RNF217: variants seen among roughly 807,000 people sequenced by gnomAD.
The protein encoded by RNF217 is E3 ubiquitin-protein ligase RNF217.
In RNF217, 31 loss-of-function variants were observed where a neutral mutation model predicts 57.8. The ratio of observed to expected loss-of-function variants is 0.54; its 90% CI spans 0.40 to 0.72. The LOEUF is 0.72. Among genes scored for constraint, RNF217 ranks in the 30% least tolerant of loss-of-function variants. The pLI is 0.00. For missense variants in RNF217, 696 were observed against 708.3 expected, an observed-to-expected ratio of 0.98 and a Z score of 0.20; for synonymous variants, 313 against 294.0, an observed-to-expected ratio of 1.06 and a Z score of -0.66.
intron 2 of RNF217, chr6:125,048,351 A>G: frequency 9.6e-7 from 1 of 1,046,992 alleles, no homozygotes; most frequent in Non-Finnish European, 1.3e-6. Context: ...TGGTAACTTT[A>G]AGAGGAGTGA....
Position 125,087,395 on chromosome 6 carries a change from T to A in RNF217, c.*4458T>A, listed in dbSNP as rs985799221. 6.6e-6 allele frequency: 1 copy of A among 152,198 alleles called. No homozygotes were observed. 9.4% of individuals were successfully genotyped at this position (152,198 alleles called of 1,614,324 possible). The stretch of plus-strand genomic sequence containing the variant: ...TTATATTTTTATTCTCCCATATTTG[T>A]GGCTGAAATCTCTCCCAACTATTGA... On this transcript the variant is annotated 3_prime_UTR_variant, in exon 6 of 6. Transcript: ENST00000521654.
chr6:125,059,053 G>A (rs1317753719), intron 3 of RNF217, among the ~76,000 whole-genome samples: 1 of 152,174 alleles, frequency 6.6e-6, no homozygotes, highest in South Asian at 2.1e-4. Context: ...GGAAGTAAAA[G>A]TATATTCTAA....
intron 1 of RNF217, among the ~76,000 whole-genome samples, chr6:124,991,418 A>G (rs1018434159): frequency 1.3e-5 from 2 of 152,168 alleles, no homozygotes; most frequent in African/African-American, 4.8e-5. Context: ...ACCCATGTAT[A>G]CATGCTACCA....
chr6:125,071,289 A>G (rs1022534939), intron 3 of RNF217, among the ~76,000 whole-genome samples: 1 of 152,172 alleles, frequency 6.6e-6, no homozygotes, highest in Admixed American at 6.5e-5. Flanking sequence ...CCCAGGCTCA[A>G]AGTAAGCTGG....
chr6:125,029,801 T>A (rs183264849), intron 1 of RNF217, among the ~76,000 whole-genome samples: 97 of 152,178 alleles, frequency 6.4e-4, no homozygotes, highest in African/African-American at 2.1e-3. Flanking sequence ...TAAAAAAAAA[T>A]TTTTGAAATC....
chr6:124,995,362 T>C (rs1270863052), intron 1 of RNF217, among the ~76,000 whole-genome samples: 1 of 152,246 alleles, frequency 6.6e-6, no homozygotes, highest in Non-Finnish European at 1.5e-5. Flanking sequence ...AGCTAAACAA[T>C]GTCCTGGATT....
At chr6:124,980,914 A>C (rs1027702413) in intron 1 of RNF217, among the ~76,000 whole-genome samples, 1 of 152,208 alleles carries the variant, frequency 6.6e-6, no homozygotes, top group Non-Finnish European at 1.5e-5. Context: ...AGAAAGCCTC[A>C]AGTATTTGTC....
At chr6:125,031,280 T>C (rs1462655537) in intron 1 of RNF217, among the ~76,000 whole-genome samples, 2 of 152,266 alleles carry the variant, frequency 1.3e-5, no homozygotes, top group East Asian at 1.9e-4. Context: ...GATATTTTAC[T>C]CATGATCTTG....
At position 124,986,425 on chromosome 6, in the gene RNF217, T is replaced by C. The variant is rs545559757; in HGVS notation, c.882+22999T>C. ...GATCTTAAGCTGTCCTTTGGGTTTT[T>C]ACAAAGATACTCTAATGCATGGCTT... On this transcript the variant is annotated intron_variant, in intron 1 of 5. Coordinates refer to ENST00000521654, the MANE Select transcript of RNF217 (RefSeq NM_001286398.3). Among the ~76,000 whole-genome samples the C allele has an allele frequency of 2.0e-5, 3 of 152,358 alleles. No individual in the cohort carries two copies. In the South Asian group the frequency reaches 6.2e-4, roughly 32 times the overall value.
intron 1 of RNF217, among the ~76,000 whole-genome samples, chr6:124,997,017 GCAAGTTTAGGTT>G (rs200556806): frequency 0.031 from 4,751 of 152,154 alleles, 269 homozygotes; most frequent in African/African-American, 0.11. Flanking sequence ...TAGCACTCCT[GCAAGTTTAGGTT>G]CTACAAACAC....
At chr6:125,066,034 C>T (rs79421499) in intron 3 of RNF217, among the ~76,000 whole-genome samples, 3,864 of 152,214 alleles carry the variant, frequency 0.025, 155 homozygotes, top group African/African-American at 0.087. Context: ...TTAGGTTATC[C>T]CAGACTCTGC....
At chr6:124,964,512 G>A (rs1783450075) in intron 1 of RNF217, among the ~76,000 whole-genome samples, 1 of 152,116 alleles carries the variant, frequency 6.6e-6, no homozygotes. Flanking sequence ...CATTGGCTGG[G>A]ACAAACTGAA....
chr6:125,037,480 G>A (rs535734475), intron 1 of RNF217, among the ~76,000 whole-genome samples: 1 of 152,118 alleles, frequency 6.6e-6, no homozygotes, highest in Non-Finnish European at 1.5e-5. Context: ...CTTGCTTAGA[G>A]TCAAGAGATT....
chr6:125,000,386 AAT>A (rs1248332375), intron 1 of RNF217, among the ~76,000 whole-genome samples: 7 of 152,070 alleles, frequency 4.6e-5, no homozygotes, highest in Non-Finnish European at 7.4e-5. Flanking sequence ...AAACACACAT[AAT>A]GTTATATGAT....
intron 1 of RNF217, among the ~76,000 whole-genome samples, chr6:124,979,323 C>T (rs1314650810): frequency 6.6e-6 from 1 of 152,114 alleles, no homozygotes; most frequent in Non-Finnish European, 1.5e-5. Flanking sequence ...TGTTGCTGCA[C>T]AGGGAGGGTA....
At chr6:125,014,552 T>C (rs766071429) in intron 1 of RNF217, among the ~76,000 whole-genome samples, 1 of 152,192 alleles carries the variant, frequency 6.6e-6, no homozygotes, top group Non-Finnish European at 1.5e-5. Flanking sequence ...TCTGTGATGA[T>C]TGCATCATCT....
chr6:125,044,878 C>G (rs750047219), intron 1 of RNF217, among the ~76,000 whole-genome samples: 3 of 152,070 alleles, frequency 2.0e-5, no homozygotes, highest in Non-Finnish European at 4.4e-5. Flanking sequence ...GGTGCATCAT[C>G]TGAATGCTGT....
intron 3 of RNF217, among the ~76,000 whole-genome samples, chr6:125,060,698 G>T (rs1196439671): frequency 2.6e-5 from 4 of 152,202 alleles, no homozygotes; most frequent in East Asian, 1.9e-4. Flanking sequence ...ACCCGCCTCA[G>T]CCTCCCAAAG....
At chr6:124,996,759 A>G (rs951178803) in intron 1 of RNF217, 2 of 152,220 alleles carry the variant, frequency 1.3e-5, no homozygotes, top group Non-Finnish European at 2.9e-5. Flanking sequence ...TTTAAAAGCT[A>G]CCAAATACTA....
Sources: allele counts gnomAD v4.1 joint callset (sites outside exome capture counted in the v4.1 genomes callset), GRCh38; gene constraint gnomAD v4.1.1; transcripts MANE v1.5; gene names NCBI Gene and HGNC (gene_info 2026-07-23, HGNC 2026-07-21).